BCORL1: variants seen among roughly 807,000 people sequenced by gnomAD.
The protein encoded by BCORL1 is BCL6 corepressor like 1, also known as BCL-6 corepressor-like protein 1.
BCORL1 carries 7 observed loss-of-function variants against 87.6 expected under a neutral mutation model. The observed-to-expected ratio is 0.08, with a 90% confidence interval of 0.05 to 0.15. The LOEUF (loss-of-function observed/expected upper bound fraction) is 0.15. Ranked by LOEUF, BCORL1 falls within the 10% of genes least tolerant of loss-of-function variation. The pLI is 1.00. For synonymous variants in BCORL1, 591 were observed against 634.4 expected, an observed-to-expected ratio of 0.93 and a Z score of 1.03; for missense variants, 1,215 against 1,499.7, an observed-to-expected ratio of 0.81 and a Z score of 3.13.
intron 2 of BCORL1, among the ~76,000 whole-genome samples, chrX:130,006,574 T>C (rs1297804708): frequency 9.0e-6 from 1 of 110,876 alleles, no homozygotes; most frequent in Non-Finnish European, 1.9e-5. Context: ...TTAGCCAGGA[T>C]GGTCTCAATC....
At chrX:130,005,415 T>C in intron 2 of BCORL1, 98 bp downstream of exon 2, 3 of 778,377 alleles carry the variant, frequency 3.9e-6, no homozygotes, top group Non-Finnish European at 5.8e-6. Flanking sequence ...GGAGGGACCC[T>C]GGGGAGGAGA....
At chrX:130,012,829 G>A (rs898269876) in intron 3 of BCORL1, 121 bp from the exon 4 acceptor site, 15 of 1,085,565 alleles carry the variant, frequency 1.4e-5, no homozygotes, top group South Asian at 1.3e-4. Context: ...TGCCCTCTGC[G>A]TCTTCCGAGA....
At chrX:130,005,355 G>A (rs777018072) in intron 2 of BCORL1, 38 bp downstream of exon 2, 26 of 1,132,521 alleles carry the variant, frequency 2.3e-5, no homozygotes, top group Non-Finnish European at 2.9e-5. Flanking sequence ...CTGGCCTCCA[G>A]TGAGCAGTAC....
At chrX:129,998,351 A>G (rs1421802777) in intron 1 of BCORL1, among the ~76,000 whole-genome samples, 2 of 95,750 alleles carry the variant, frequency 2.1e-5, no homozygotes, top group African/African-American at 7.7e-5. Context: ...AGAGAGGGAG[A>G]GTAGGCGGGG....
chrX:130,003,275 A>G (rs763576561), intron 1 of BCORL1, among the ~76,000 whole-genome samples: 1 of 110,126 alleles, frequency 9.1e-6, no homozygotes, highest in South Asian at 3.9e-4. Flanking sequence ...TGTTCACCGT[A>G]TTTCAGATAG....
intron 8 of BCORL1, among the ~76,000 whole-genome samples, chrX:130,030,182 C>A (rs150918935): frequency 8.9e-6 from 1 of 112,131 alleles, no homozygotes; most frequent in East Asian, 2.8e-4. Flanking sequence ...CTGTGACAGG[C>A]TTTGATAACC....
chrX:129,989,931 G>A (rs1029977637), intron 1 of BCORL1, among the ~76,000 whole-genome samples: 1 of 109,857 alleles, frequency 9.1e-6, no homozygotes, highest in East Asian at 2.9e-4. Context: ...GATTACAAGC[G>A]CCCAGCACCA....
At chrX:130,043,467 G>A in intron 11 of BCORL1, among the ~76,000 whole-genome samples, 1 of 110,309 alleles carries the variant, frequency 9.1e-6, no homozygotes, top group East Asian at 2.9e-4. Context: ...GGTTGGTAGG[G>A]TGGCTGCAGG....
chrX:129,989,444 CTTTTTTTTTTTTTTTTTTT>C (rs55654985), intron 1 of BCORL1, among the ~76,000 whole-genome samples: 7 of 17,757 alleles, frequency 3.9e-4, no homozygotes, highest in African/African-American at 5.1e-4. Flanking sequence ...CCGCACCCGT[CTTTTTTTTTTTTTTTTTTT>C]TTTTTTTTTT....
intron 8 of BCORL1, among the ~76,000 whole-genome samples, chrX:130,029,141 G>A (rs972310998): frequency 2.7e-5 from 3 of 111,758 alleles, no homozygotes; most frequent in Non-Finnish European, 3.8e-5. Context: ...TGAGTAGCTC[G>A]TTAACATCCA....
chrX:130,008,361 T>G (rs1928671812), intron 2 of BCORL1, among the ~76,000 whole-genome samples: 1 of 110,285 alleles, frequency 9.1e-6, no homozygotes, highest in Non-Finnish European at 1.9e-5. Context: ...CCTCCCGGGT[T>G]CAAACGATTC....
chrX:130,038,834 A>G (rs1931123515), intron 10 of BCORL1, among the ~76,000 whole-genome samples: 1 of 110,627 alleles, frequency 9.0e-6, no homozygotes, highest in African/African-American at 3.3e-5. Flanking sequence ...CCTCTAGTGA[A>G]CTCCACAACT....
chrX:130,016,767 C>T (rs1929479403), intron 4 of BCORL1, among the ~76,000 whole-genome samples: 1 of 111,208 alleles, frequency 9.0e-6, no homozygotes. Context: ...GAGGCAGCAG[C>T]TTTGGGTTTT....
At chrX:129,998,905 T>C (rs147424684) in intron 1 of BCORL1, among the ~76,000 whole-genome samples, 1 of 111,650 alleles carries the variant, frequency 9.0e-6, no homozygotes, top group Non-Finnish European at 1.9e-5. Context: ...AAAATCATGA[T>C]AGAAAATTGA....
intron 1 of BCORL1, among the ~76,000 whole-genome samples, chrX:130,003,015 G>A (rs1309286179): frequency 9.1e-6 from 1 of 110,416 alleles, no homozygotes; most frequent in Non-Finnish European, 1.9e-5. Flanking sequence ...AGAGGGCAAC[G>A]TATCCCACTC....
At chrX:130,036,185 C>T (rs992369090) in intron 9 of BCORL1, among the ~76,000 whole-genome samples, 2 of 112,939 alleles carry the variant, frequency 1.8e-5, no homozygotes, top group Non-Finnish European at 3.8e-5. Flanking sequence ...CCTGGTGTCC[C>T]ACCTGTAGTC....
intron 11 of BCORL1, among the ~76,000 whole-genome samples, chrX:130,040,189 C>A (rs1931225130): frequency 8.9e-6 from 1 of 112,015 alleles, no homozygotes; most frequent in African/African-American, 3.2e-5. Flanking sequence ...CCTCTCTGGC[C>A]AGGAGCCAAC....
intron 1 of BCORL1, among the ~76,000 whole-genome samples, chrX:130,001,543 T>A (rs753179259): frequency 9.0e-6 from 1 of 111,396 alleles, no homozygotes; most frequent in Non-Finnish European, 1.9e-5. Flanking sequence ...AGGGGTTAAC[T>A]GAACTCGGGC....
intron 1 of BCORL1, among the ~76,000 whole-genome samples, chrX:130,000,458 C>T (rs1473932112): frequency 8.9e-6 from 1 of 112,192 alleles, no homozygotes; most frequent in Non-Finnish European, 1.9e-5. Context: ...TATGCTAACC[C>T]ACATAACTGT....
Sources: allele counts gnomAD v4.1 joint callset (sites outside exome capture counted in the v4.1 genomes callset), GRCh38; gene constraint gnomAD v4.1.1; transcripts MANE v1.5; gene names NCBI Gene and HGNC (gene_info 2026-07-23, HGNC 2026-07-21).